Variants in ADAM23 observed in about 807,000 individuals in gnomAD.
ADAM23 encodes disintegrin and metalloproteinase domain-containing protein 23.
Under a neutral mutation model 120.1 loss-of-function variants are expected in ADAM23, and 33 were observed. That is an observed-to-expected ratio of 0.27 (90% CI 0.21 to 0.37). The LOEUF (loss-of-function observed/expected upper bound fraction) is 0.37, where lower values mean the gene tolerates loss of function less well. Among genes scored for constraint, ADAM23 ranks in the 10% least tolerant of loss-of-function variants. The pLI is 1.00. For missense variants in ADAM23, 862 were observed against 1,058.2 expected (o/e 0.81, Z 2.57); for synonymous variants, 367 against 375.2 (o/e 0.98, Z 0.25).
At chr2:206,460,032 T>A (rs1695382633) in intron 2 of ADAM23, among the ~76,000 whole-genome samples, 1 of 152,160 alleles carries the variant, frequency 6.6e-6, no homozygotes, top group Non-Finnish European at 1.5e-5. Context: ...GGCAGAATGA[T>A]CCTTTTTAAA....
rs771318045 is a variant in ADAM23 at position 206,594,863 on chromosome 2, C to T, written c.2205C>T (p.Ser735=). Residue 735 remains serine, a synonymous_variant, in exon 23 of 26, where the codon AGC becomes AGT. Transcript: ENST00000264377. The part of the protein sequence containing the change: ...CLQIQALNMS[S]CPLDSKGKVC... ...AAATTCAAGCCCTAAATATGAGCAGCTGTCCACTCGATTCCAAGGGTAAAG... is the reference window on the plus strand; with the variant it reads ...AAATTCAAGCCCTAAATATGAGCAGTTGTCCACTCGATTCCAAGGGTAAAG... The T allele has an allele frequency of 3.1e-6, 5 of 1,613,976 alleles. No homozygotes were observed. The highest frequency in any genetic ancestry group is 2.2e-5 in the East Asian group (1 of 44,892).
chr2:206,502,198 G>A (rs1170545918), intron 3 of ADAM23, among the ~76,000 whole-genome samples: 6 of 152,078 alleles, frequency 3.9e-5, no homozygotes, highest in African/African-American at 1.4e-4. Flanking sequence ...TTCCAAATGC[G>A]ATTGAAAACA....
intron 2 of ADAM23, among the ~76,000 whole-genome samples, chr2:206,467,615 ACAG>A (rs1695566523): frequency 6.6e-6 from 1 of 152,150 alleles, no homozygotes; most frequent in African/African-American, 2.4e-5. Context: ...TGTGGCTTTT[ACAG>A]GCACAGGGTG....
chr2:206,528,651 T>G (rs976842486), intron 3 of ADAM23, among the ~76,000 whole-genome samples: 2 of 152,226 alleles, frequency 1.3e-5, no homozygotes, highest in South Asian at 4.1e-4. Flanking sequence ...CTCAAAATGA[T>G]GCAAAATCAT....
At chr2:206,466,681 T>C (rs1335969687) in intron 2 of ADAM23, among the ~76,000 whole-genome samples, 1 of 152,236 alleles carries the variant, frequency 6.6e-6, no homozygotes, top group Non-Finnish European at 1.5e-5. Context: ...TGTATTAGTC[T>C]GTTCTCAAAT....
intron 4 of ADAM23, among the ~76,000 whole-genome samples, chr2:206,541,027 G>A (rs1322923667): frequency 1.3e-5 from 2 of 150,386 alleles, no homozygotes; most frequent in Non-Finnish European, 3.0e-5. Flanking sequence ...GAACTGAAGT[G>A]CATAGTTTTC....
At chr2:206,540,872 G>A (rs1036241405) in intron 4 of ADAM23, among the ~76,000 whole-genome samples, 3 of 150,772 alleles carry the variant, frequency 2.0e-5, no homozygotes, top group Admixed American at 6.6e-5. Context: ...GGAAAAAAAT[G>A]GATAGGAGAG....
chr2:206,545,645 G>C (rs999379164), intron 6 of ADAM23, among the ~76,000 whole-genome samples: 1 of 152,034 alleles, frequency 6.6e-6, no homozygotes, highest in African/African-American at 2.4e-5. Context: ...AGTTTTAAAG[G>C]GTTGGTGTTT....
intron 21 of ADAM23, among the ~76,000 whole-genome samples, chr2:206,592,325 A>G (rs1299941699): frequency 6.6e-6 from 1 of 152,074 alleles, no homozygotes; most frequent in Non-Finnish European, 1.5e-5. Flanking sequence ...GGAAGACGAG[A>G]AGGGGGAATG....
At chr2:206,455,238 C>G (rs1225859970) in intron 2 of ADAM23, among the ~76,000 whole-genome samples, 1 of 152,188 alleles carries the variant, frequency 6.6e-6, no homozygotes, top group African/African-American at 2.4e-5. Context: ...TGGAAGCCAC[C>G]AAGGCTTGAG....
intron 18 of ADAM23, among the ~76,000 whole-genome samples, chr2:206,579,451 T>G (rs1698180414): frequency 6.6e-6 from 1 of 152,226 alleles, no homozygotes; most frequent in Admixed American, 6.5e-5. Context: ...CTCCTACATG[T>G]GGCTAGCCAT....
chr2:206,477,899 T>TATATATATACAC (rs1553548679), intron 2 of ADAM23, among the ~76,000 whole-genome samples: 15 of 106,306 alleles, frequency 1.4e-4, no homozygotes, highest in African/African-American at 5.6e-4. Context: ...AAAAAAAAAA[T>TATATATATACAC]ATATATATAT....
intron 23 of ADAM23, among the ~76,000 whole-genome samples, chr2:206,595,408 G>A (rs77848061): frequency 0.051 from 7,691 of 152,116 alleles, 286 homozygotes; most frequent in Middle Eastern, 0.12. Context: ...GAAACAGGGA[G>A]GAGACAGAGA....
intron 24 of ADAM23, among the ~76,000 whole-genome samples, chr2:206,597,326 C>T (rs367787961): frequency 1.3e-5 from 2 of 151,422 alleles, no homozygotes; most frequent in Non-Finnish European, 1.5e-5. Flanking sequence ...ATTACAGGCA[C>T]CTGCCACTGC....
chr2:206,470,568 T>C (rs745836448), intron 2 of ADAM23, among the ~76,000 whole-genome samples: 28 of 152,190 alleles, frequency 1.8e-4, no homozygotes, highest in Non-Finnish European at 3.7e-4. Flanking sequence ...TACACATTTG[T>C]TTTGAGTAAA....
chr2:206,616,231 T>C (rs1161517732), intron 25 of ADAM23, among the ~76,000 whole-genome samples: 11 of 152,218 alleles, frequency 7.2e-5, no homozygotes, highest in Non-Finnish European at 1.6e-4. Flanking sequence ...CATTATGGGA[T>C]ACTTGCCTTT....
chr2:206,470,567 G>T (rs995892246), intron 2 of ADAM23, among the ~76,000 whole-genome samples: 5 of 152,168 alleles, frequency 3.3e-5, no homozygotes, highest in Non-Finnish European at 7.4e-5. Context: ...GTACACATTT[G>T]TTTTGAGTAA....
At chr2:206,528,965 C>G (rs1696995070) in intron 3 of ADAM23, among the ~76,000 whole-genome samples, 1 of 152,152 alleles carries the variant, frequency 6.6e-6, no homozygotes, top group African/African-American at 2.4e-5. Context: ...CGAGTTATCA[C>G]TTGTCATTAT....
Position 206,532,705 on chromosome 2 carries a change from A to G in ADAM23, c.573+1757A>G, listed in dbSNP as rs1377754083. On this transcript the variant is annotated intron_variant, in intron 4 of 25. Transcript: ENST00000264377. ...GTAGCAAAATTTTAAATATTTTAGC[A>G]TATATTAAGTAATCTTCTAAACCTT... Among the ~76,000 whole-genome samples the G allele has an allele frequency of 3.9e-5, 6 of 152,158 alleles. No individual in the cohort carries two copies. The East Asian group carries it at 1.2e-3, about 29-fold the overall frequency.
Sources: allele counts gnomAD v4.1 joint callset (sites outside exome capture counted in the v4.1 genomes callset), GRCh38; gene constraint gnomAD v4.1.1; transcripts MANE v1.5; gene names NCBI Gene and HGNC (gene_info 2026-07-23, HGNC 2026-07-21).